The following PDE8A variants were observed in gnomAD, a reference collection of about 807,000 sequenced individuals.
PDE8A encodes high affinity cAMP-specific and IBMX-insensitive 3',5'-cyclic phosphodiesterase 8A.
A neutral mutation model predicts 105.0 loss-of-function variants in PDE8A; 59 were observed. That is an observed-to-expected ratio of 0.56 (90% CI 0.46 to 0.70). The LOEUF is 0.70. PDE8A is among the 30% of genes least tolerant of loss of function. The probability of loss-of-function intolerance (pLI) is 0.00; values close to 1 mark genes in which losing one functional copy is unlikely to be tolerated. For missense variants in PDE8A, 1,014 were observed against 1,045.9 expected (o/e 0.97, Z 0.42); for synonymous variants, 355 against 371.9 (o/e 0.95, Z 0.52).
At chr15:85,089,566 T>C in intron 7 of PDE8A, 150 bp downstream of exon 7, 1 of 536,732 alleles carries the variant, frequency 1.9e-6, no homozygotes, top group Non-Finnish European at 3.3e-6. Flanking sequence ...CAAAATCAAA[T>C]ATGTAATTTA....
At chr15:85,068,753 T>G (rs1254613857) in intron 3 of PDE8A, among the ~76,000 whole-genome samples, 1 of 152,144 alleles carries the variant, frequency 6.6e-6, no homozygotes, top group African/African-American at 2.4e-5. Flanking sequence ...TTCCTAGTCT[T>G]GTCCAGGCCC....
At chr15:85,111,478 G>GC (rs1242896448) in intron 12 of PDE8A, among the ~76,000 whole-genome samples, 1 of 152,184 alleles carries the variant, frequency 6.6e-6, no homozygotes, top group African/African-American at 2.4e-5. Context: ...ACCATCTTTT[G>GC]CAGTAGCACC....
In PDE8A at chr15:85,019,653, C is replaced by G. The variant is rs2080387848; in HGVS notation, c.186+37305C>G. On this transcript the variant is annotated intron_variant, in intron 1 of 21. Transcript: ENST00000394553. The stretch of plus-strand genomic sequence containing the variant: ...CTGGTGTGCAATGGCATGATCTTGG[C>G]TCTGCAACCTCTACCTCCCAGGTTC... Among the ~76,000 whole-genome samples, 3 of 152,110 alleles carry G rather than the reference C, an allele frequency of 2.0e-5. No homozygotes were observed. In the South Asian group the frequency reaches 6.2e-4, roughly 32 times the overall value.
intron 1 of PDE8A, among the ~76,000 whole-genome samples, chr15:84,991,474 G>A (rs777119876): frequency 3.3e-5 from 5 of 152,230 alleles, no homozygotes; most frequent in Non-Finnish European, 7.3e-5. Context: ...AAGGTTGGCA[G>A]TATTTTGAGG....
At chr15:85,120,764 TA>T in intron 17 of PDE8A, 32 bp from the exon 18 acceptor site, 3 of 1,418,076 alleles carry the variant, frequency 2.1e-6, no homozygotes, top group Non-Finnish European at 2.0e-6. Flanking sequence ...TTCAGTGTCA[TA>T]CCCCAGTTTT....
chr15:85,074,850 T>C (rs1488569986), intron 3 of PDE8A, among the ~76,000 whole-genome samples: 1 of 152,224 alleles, frequency 6.6e-6, no homozygotes, highest in Admixed American at 6.5e-5. Context: ...CAGTCAGTCT[T>C]GACTGGTTTC....
At chr15:85,089,538 C>A in intron 7 of PDE8A, 122 bp downstream of exon 7, 1 of 548,140 alleles carries the variant, frequency 1.8e-6, no homozygotes, top group Non-Finnish European at 3.3e-6. Flanking sequence ...CCAGTTTTTC[C>A]TTCGAGGATT....
At chr15:85,006,649 A>AT (rs2080153020) in intron 1 of PDE8A, among the ~76,000 whole-genome samples, 1 of 151,528 alleles carries the variant, frequency 6.6e-6, no homozygotes, top group East Asian at 1.9e-4. Flanking sequence ...TCTTGTGTAG[A>AT]TTTTTTAAAA....
intron 1 of PDE8A, among the ~76,000 whole-genome samples, chr15:84,995,411 C>G (rs2079960183): frequency 6.6e-6 from 1 of 151,678 alleles, no homozygotes; most frequent in Non-Finnish European, 1.5e-5. Context: ...ACTTCCCTGG[C>G]TCAACTGATC....
At chr15:85,119,481 AC>A (rs2082147870) in intron 17 of PDE8A, among the ~76,000 whole-genome samples, 2 of 150,338 alleles carry the variant, frequency 1.3e-5, no homozygotes. Context: ...AAAAAAAAAA[AC>A]ATTTATTGAA....
chr15:85,121,576 C>T (rs1483159408), intron 18 of PDE8A, among the ~76,000 whole-genome samples: 1 of 151,816 alleles, frequency 6.6e-6, no homozygotes, highest in Non-Finnish European at 1.5e-5. Context: ...GTCACTGTGC[C>T]CTCGGTGCCC....
In PDE8A at chr15:85,115,410, C is replaced by G. The variant is rs776005136; in HGVS notation, c.1351-29C>G. 3.4e-6 allele frequency: 5 copies of G among 1,481,022 alleles called. No individual in the cohort carries two copies. The Admixed American group carries it at 1.0e-4, about 30-fold the overall frequency. The allele number at this position is 1,481,022 out of a possible 1,614,324, so 91.7% of individuals were successfully genotyped here. On this transcript the variant is annotated intron_variant, in intron 14 of 21. Coordinates refer to ENST00000394553, the MANE Select transcript of PDE8A (RefSeq NM_002605.3). ...GAAGGAAAGAATAGTTGTGACTTTT[C>G]TTTTTCTTGTTTCCTTGATTTTTAT... is the stretch of plus-strand genomic sequence containing the variant.
At chr15:85,037,632 T>TA (rs1009036915) in intron 1 of PDE8A, among the ~76,000 whole-genome samples, 9 of 152,252 alleles carry the variant, frequency 5.9e-5, no homozygotes, top group Admixed American at 5.2e-4. Flanking sequence ...CCTGTAGAAA[T>TA]ATGTCATTCC....
At position 85,016,093 on chromosome 15, in the gene PDE8A, G is replaced by A. The variant is rs150712896; in HGVS notation, c.186+33745G>A. On this transcript the variant is annotated intron_variant, in intron 1 of 21. Transcript: ENST00000394553. ...GGAGGTTGCAGTGAGCTGAGGTCGC[G>A]CCACTCACTGTACTTCAGCCTGGGT... is the stretch of plus-strand genomic sequence containing the variant. 2.3e-3 allele frequency among the ~76,000 whole-genome samples: 349 copies of A among 152,210 alleles called. 2 individuals are homozygous for A. The highest frequency in any genetic ancestry group is 8.1e-3 in the African/African-American group (336 of 41,514).
chr15:85,075,801 G>A, intron 3 of PDE8A, 61 bp from the exon 4 acceptor site: 1 of 873,474 alleles, frequency 1.1e-6, no homozygotes, highest in Non-Finnish European at 1.8e-6. Context: ...AATTGTTTAA[G>A]TATATTTGGT....
intron 5 of PDE8A, among the ~76,000 whole-genome samples, chr15:85,082,065 T>C (rs1424413846): frequency 6.6e-6 from 1 of 152,160 alleles, no homozygotes; most frequent in Non-Finnish European, 1.5e-5. Flanking sequence ...ACAAGCACTA[T>C]GTCAAGAAAT....
intron 1 of PDE8A, among the ~76,000 whole-genome samples, chr15:85,036,219 A>C (rs1417111019): frequency 6.6e-6 from 1 of 152,198 alleles, no homozygotes; most frequent in Non-Finnish European, 1.5e-5. Context: ...AACAGCAGTC[A>C]GGTACTGCAT....
chr15:85,067,238 T>C, intron 3 of PDE8A, 34 bp downstream of exon 3: 10 of 1,479,806 alleles, frequency 6.8e-6, no homozygotes, highest in African/African-American at 1.4e-5. Context: ...ATAGTCCCAT[T>C]GGCCTTTCTG....
At position 85,019,579 on chromosome 15, in the gene PDE8A, G is replaced by T. The variant is rs370841977; in HGVS notation, c.186+37231G>T. ...TAATACTATTCATTATTTTTGTGGG[G>T]TTTTTTTTGTTTTGTTTTGGAGTCA... On this transcript the variant is annotated intron_variant, in intron 1 of 21. Transcript: ENST00000394553. Among the ~76,000 whole-genome samples, 44 of 151,578 alleles carry T rather than the reference G, an allele frequency of 2.9e-4. No homozygotes were observed. The South Asian group carries it at 2.9e-3, about 10-fold the overall frequency.
Sources: allele counts gnomAD v4.1 joint callset (sites outside exome capture counted in the v4.1 genomes callset), GRCh38; gene constraint gnomAD v4.1.1; transcripts MANE v1.5; gene names NCBI Gene and HGNC (gene_info 2026-07-23, HGNC 2026-07-21).